Variants in CENPW observed in about 807,000 individuals in gnomAD.
CENPW encodes the protein centromere protein W.
In CENPW, 3 loss-of-function variants were observed where a neutral mutation model predicts 11.1. The ratio of observed to expected loss-of-function variants is 0.27; its 90% CI spans 0.12 to 0.70. The LOEUF is 0.70. CENPW is among the 30% of genes least tolerant of loss of function. CENPW has a pLI of 0.77. For missense variants in CENPW, 100 were observed against 105.6 expected, an observed-to-expected ratio of 0.95 and a Z score of 0.23; for synonymous variants, 38 against 42.0, an observed-to-expected ratio of 0.91 and a Z score of 0.37.
At chr6:126,368,782 C>T in the CENPW span, among the ~76,000 whole-genome samples, 1 of 152,024 alleles carries the variant, frequency 6.6e-6, no homozygotes, top group Non-Finnish European at 1.5e-5. Context: ...GTAGCTGAGA[C>T]TACAGGCGCC....
At chr6:126,464,727 C>A in the CENPW span, among the ~76,000 whole-genome samples, 1 of 152,104 alleles carries the variant, frequency 6.6e-6, no homozygotes, top group Non-Finnish European at 1.5e-5. Flanking sequence ...CTTGGACTAT[C>A]CATCACTGGC....
At chr6:126,381,758 C>T in the CENPW span, among the ~76,000 whole-genome samples, 3 of 152,120 alleles carry the variant, frequency 2.0e-5, no homozygotes, top group African/African-American at 4.8e-5. Flanking sequence ...GTGTTGTGAC[C>T]AGTGGTCCAA....
At chr6:126,409,020 A>G in the CENPW span, among the ~76,000 whole-genome samples, 6 of 151,882 alleles carry the variant, frequency 4.0e-5, no homozygotes, top group Admixed American at 6.6e-5. Flanking sequence ...TGCTTTTCCA[A>G]TTCCTTGAGA....
downstream of CENPW, among the ~76,000 whole-genome samples, chr6:126,351,762 A>AT (rs1362296547): frequency 7.4e-3 from 1,070 of 144,440 alleles, 10 homozygotes; most frequent in African/African-American, 0.024. Flanking sequence ...TGTGGGTTTC[A>AT]TTTTTTTTTT....
chr6:126,353,406 T>A (rs1447046888), downstream of CENPW, among the ~76,000 whole-genome samples: 1 of 152,054 alleles, frequency 6.6e-6, no homozygotes, highest in Non-Finnish European at 1.5e-5. Context: ...TGTTAAAATG[T>A]CATTTTATGT....
chr6:126,342,941 T>C (rs1192637830), intron 1 of CENPW, among the ~76,000 whole-genome samples: 1 of 152,192 alleles, frequency 6.6e-6, no homozygotes, highest in African/African-American at 2.4e-5. Context: ...TTGTTTGTTT[T>C]ATGCCTTATT....
the CENPW span, among the ~76,000 whole-genome samples, chr6:126,382,603 C>A: frequency 6.6e-6 from 1 of 152,212 alleles, no homozygotes; most frequent in Admixed American, 6.5e-5. Flanking sequence ...ATGTAACTGA[C>A]CTGATGGAGT....
downstream of CENPW, among the ~76,000 whole-genome samples, chr6:126,351,143 A>AGAGT (rs1353992642): frequency 1.7e-5 from 2 of 115,658 alleles, no homozygotes; most frequent in African/African-American, 2.7e-5. Context: ...AGAAAGAGAG[A>AGAGT]GAGTGAGTGT....
the CENPW span, among the ~76,000 whole-genome samples, chr6:126,393,261 A>AT: frequency 2.6e-5 from 4 of 151,254 alleles, no homozygotes; most frequent in South Asian, 4.2e-4. Context: ...GATTATTTGC[A>AT]TTTTTTTGTT....
the CENPW span, among the ~76,000 whole-genome samples, chr6:126,463,388 A>G: frequency 6.6e-6 from 1 of 152,090 alleles, no homozygotes; most frequent in Non-Finnish European, 1.5e-5. Flanking sequence ...TTAAAAGAGT[A>G]TAAATTGTTT....
At chr6:126,457,392 C>T in the CENPW span, among the ~76,000 whole-genome samples, 5 of 151,200 alleles carry the variant, frequency 3.3e-5, no homozygotes, top group Non-Finnish European at 5.9e-5. Context: ...TAAAAATGAA[C>T]GAGATCACGT....
chr6:126,433,756 A>C, the CENPW span, among the ~76,000 whole-genome samples: 1 of 152,246 alleles, frequency 6.6e-6, no homozygotes, highest in East Asian at 1.9e-4. Flanking sequence ...CAAAATATTA[A>C]TAGCAAGTTT....
the CENPW span, among the ~76,000 whole-genome samples, chr6:126,402,454 T>C: frequency 6.6e-6 from 1 of 151,978 alleles, no homozygotes; most frequent in African/African-American, 2.4e-5. Flanking sequence ...TTTTAGAATA[T>C]CTTAATCACA....
chr6:126,426,530 A>G, the CENPW span, among the ~76,000 whole-genome samples: 1 of 152,152 alleles, frequency 6.6e-6, no homozygotes, highest in Non-Finnish European at 1.5e-5. Context: ...TACATGACAT[A>G]TGATAGATAT....
chr6:126,466,549 CT>C, the CENPW span, among the ~76,000 whole-genome samples: 1 of 152,058 alleles, frequency 6.6e-6, no homozygotes, highest in Non-Finnish European at 1.5e-5. Flanking sequence ...GATGGAGCCA[CT>C]GGTATGAACT....
the CENPW span, among the ~76,000 whole-genome samples, chr6:126,369,852 G>A: frequency 1.3e-5 from 2 of 152,262 alleles, no homozygotes; most frequent in South Asian, 2.1e-4. Flanking sequence ...ATTTGCCTAA[G>A]CCAATGTCAA....
chr6:126,473,495 G>A, the CENPW span, among the ~76,000 whole-genome samples: 3 of 152,032 alleles, frequency 2.0e-5, no homozygotes, highest in East Asian at 5.8e-4. Context: ...GCTTTGGGAG[G>A]CGGAGGCAGG....
chr6:126,350,983 C>T (rs1351959976), downstream of CENPW, among the ~76,000 whole-genome samples: 2 of 150,206 alleles, frequency 1.3e-5, no homozygotes, highest in Non-Finnish European at 3.0e-5. Flanking sequence ...CCTTCAAGAG[C>T]TGGACTAGGG....
Position 126,340,133 on chromosome 6 carries a change from T to G in CENPW, c.-141T>G. ...CGGGCGCGTTCCGTTGGCGGCGGATTCGAACGTTCGGACTGAGGTTTTTCT... is the reference window on the plus strand; with the variant it reads ...CGGGCGCGTTCCGTTGGCGGCGGATGCGAACGTTCGGACTGAGGTTTTTCT... On this transcript the variant is annotated 5_prime_UTR_variant, in exon 1 of 3. The change creates a new upstream start codon in the 5' untranslated region. Transcript: ENST00000368328. The G allele has an allele frequency of 1.3e-6, 1 of 789,842 alleles. No individual in the cohort carries two copies. 48.9% of individuals were successfully genotyped at this position (789,842 alleles called of 1,614,324 possible).
Sources: allele counts gnomAD v4.1 joint callset (sites outside exome capture counted in the v4.1 genomes callset), GRCh38; gene constraint gnomAD v4.1.1; transcripts MANE v1.5; gene names NCBI Gene and HGNC (gene_info 2026-07-23, HGNC 2026-07-21).